Variants in ROBO2 observed in about 807,000 individuals in gnomAD.
ROBO2 encodes roundabout homolog 2.
Under a neutral mutation model 160.8 loss-of-function variants are expected in ROBO2, and 53 were observed. That is an observed-to-expected ratio of 0.33 (90% confidence interval 0.26 to 0.41). ROBO2 has a LOEUF of 0.41. ROBO2 is among the 10% of genes least tolerant of loss of function. ROBO2 has a pLI of 1.00. For missense variants in ROBO2, 1,577 were observed against 1,722.4 expected, an observed-to-expected ratio of 0.92 and a Z score of 1.49; for synonymous variants, 664 against 611.7, an observed-to-expected ratio of 1.09 and a Z score of -1.26.
chr3:75,975,495 T>C (rs2065112521), intron 2 of ROBO2, among the ~76,000 whole-genome samples: 1 of 151,388 alleles, frequency 6.6e-6, no homozygotes, highest in Admixed American at 6.6e-5. Context: ...TTAGTCTCTG[T>C]TTAGATCATT....
At chr3:76,940,757 T>C (rs1466138342) in intron 2 of ROBO2, among the ~76,000 whole-genome samples, 3 of 152,220 alleles carry the variant, frequency 2.0e-5, no homozygotes, top group Admixed American at 6.5e-5. Context: ...TATTGCACAA[T>C]GTATACATTT....
intron 2 of ROBO2, among the ~76,000 whole-genome samples, chr3:76,990,097 T>A (rs2060586475): frequency 6.6e-6 from 1 of 152,158 alleles, no homozygotes. Context: ...TTCTACTCTC[T>A]TCTATTCTTT....
At position 76,349,511 on chromosome 3, in the gene ROBO2, A is replaced by C. The variant is rs187583914; in HGVS notation, c.109+411909A>C. 5.7e-3 allele frequency among the ~76,000 whole-genome samples: 867 copies of C among 152,192 alleles called. 6 individuals carry two copies. The highest frequency in any genetic ancestry group is 0.02 in the African/African-American group (821 of 41,542). ...AAGGCCACACAGTTATTTGTTGACAAAGTCTGAATTTACACTTAGAAAATC... is the reference window on the plus strand; with the variant it reads ...AAGGCCACACAGTTATTTGTTGACACAGTCTGAATTTACACTTAGAAAATC... On this transcript the variant is annotated intron_variant, in intron 2 of 26. Coordinates refer to the ROBO2 transcript ENST00000487694.
intron 2 of ROBO2, among the ~76,000 whole-genome samples, chr3:76,277,393 A>G (rs1412857637): frequency 6.6e-6 from 1 of 152,000 alleles, no homozygotes; most frequent in Non-Finnish European, 1.5e-5. Flanking sequence ...TGTTTTAGAT[A>G]AGAAGAAACA....
At chr3:77,067,030 A>ACT (rs2066931777) in intron 1 of ROBO2, among the ~76,000 whole-genome samples, 1 of 130,718 alleles carries the variant, frequency 7.7e-6, no homozygotes, top group Non-Finnish European at 1.6e-5. Flanking sequence ...ACACACACTC[A>ACT]CACACACACA....
At chr3:77,339,838 A>G (rs1004971888) in intron 2 of ROBO2, among the ~76,000 whole-genome samples, 22 of 152,048 alleles carry the variant, frequency 1.4e-4, no homozygotes, top group African/African-American at 5.3e-4. Flanking sequence ...TTCCACTTCA[A>G]TGCATTTATT....
chr3:77,188,983 G>GAGAGAGAA (rs1553829035), intron 2 of ROBO2, among the ~76,000 whole-genome samples: 2 of 148,370 alleles, frequency 1.3e-5, no homozygotes, highest in Non-Finnish European at 3.0e-5. Context: ...GAGAGAGAGA[G>GAGAGAGAA]AGAGAGAGAG....
intron 5 of ROBO2, among the ~76,000 whole-genome samples, chr3:77,502,717 A>C (rs1466565876): frequency 6.6e-6 from 1 of 152,192 alleles, no homozygotes; most frequent in African/African-American, 2.4e-5. Flanking sequence ...TATTACAATG[A>C]TTTACGTAGC....
intron 2 of ROBO2, among the ~76,000 whole-genome samples, chr3:76,382,439 T>C (rs894651124): frequency 6.6e-6 from 1 of 152,028 alleles, no homozygotes; most frequent in Admixed American, 6.5e-5. Context: ...ATACAAAATA[T>C]TATCCGGGCG....
chr3:76,305,498 T>C lies in ROBO2; in HGVS notation c.109+367896T>C, dbSNP rs1258694025. Among the ~76,000 whole-genome samples the C allele has an allele frequency of 1.8e-4, 27 of 150,266 alleles. 1 individual carries two copies. In the South Asian group the frequency reaches 5.1e-3, roughly 28 times the overall value. The stretch of plus-strand genomic sequence containing the variant: ...ATCATCGGCAGGGTGTGGTGATTTA[T>C]GCCTGTAATCCCAGCACATTGGGTG... On this transcript the variant is annotated intron_variant, in intron 2 of 26. Transcript: ENST00000487694.
At chr3:76,245,578 T>C (rs1191135080) in intron 2 of ROBO2, among the ~76,000 whole-genome samples, 1 of 152,214 alleles carries the variant, frequency 6.6e-6, no homozygotes, top group Non-Finnish European at 1.5e-5. Context: ...TCTTATTTGA[T>C]GATTTTTTAT....
At chr3:76,593,278 T>C (rs2086533094) in intron 2 of ROBO2, among the ~76,000 whole-genome samples, 1 of 151,944 alleles carries the variant, frequency 6.6e-6, no homozygotes, top group African/African-American at 2.4e-5. Context: ...CTTTCTAGAG[T>C]TGTTGCGTTT....
At chr3:76,179,541 T>A (rs1701396547) in intron 2 of ROBO2, among the ~76,000 whole-genome samples, 1 of 152,170 alleles carries the variant, frequency 6.6e-6, no homozygotes, top group South Asian at 2.1e-4. Context: ...GATACTTCCT[T>A]CAATCATCAC....
chr3:77,248,778 T>C (rs2090028451), intron 2 of ROBO2, among the ~76,000 whole-genome samples: 2 of 3,394 alleles, frequency 5.9e-4, no homozygotes, highest in African/African-American at 7.5e-4. Flanking sequence ...TCACTTGCTC[T>C]TTTTTTTTTT....
At chr3:77,195,703 A>G (rs576798904) in intron 2 of ROBO2, among the ~76,000 whole-genome samples, 4 of 152,200 alleles carry the variant, frequency 2.6e-5, no homozygotes, top group Non-Finnish European at 5.9e-5. Context: ...GCTTATAATA[A>G]TTGTCTGTAC....
At chr3:77,081,617 G>A (rs139610100) in intron 1 of ROBO2, among the ~76,000 whole-genome samples, 81 of 152,328 alleles carry the variant, frequency 5.3e-4, no homozygotes, top group African/African-American at 1.9e-3. Context: ...GTGTGAGCAC[G>A]AAGAATTTCT....
chr3:76,219,619 A>G (rs961216093), intron 2 of ROBO2, among the ~76,000 whole-genome samples: 18 of 152,200 alleles, frequency 1.2e-4, no homozygotes, highest in Non-Finnish European at 2.5e-4. Context: ...AATCAAAACC[A>G]CAGTGAGATA....
chr3:76,362,379 T>A (rs1444375248), intron 2 of ROBO2, among the ~76,000 whole-genome samples: 1 of 151,932 alleles, frequency 6.6e-6, no homozygotes, highest in Non-Finnish European at 1.5e-5. Flanking sequence ...TAAAAAAAAG[T>A]GAATATTATA....
At chr3:76,680,597 A>G (rs1303240641) in intron 2 of ROBO2, among the ~76,000 whole-genome samples, 1 of 152,026 alleles carries the variant, frequency 6.6e-6, no homozygotes, top group Non-Finnish European at 1.5e-5. Context: ...TCTCCTTTCC[A>G]TATTCCCACA....
Sources: allele counts gnomAD v4.1 joint callset (sites outside exome capture counted in the v4.1 genomes callset), GRCh38; gene constraint gnomAD v4.1.1; transcripts MANE v1.5; gene names NCBI Gene and HGNC (gene_info 2026-07-23, HGNC 2026-07-21).